FMN1: variants seen among roughly 807,000 people sequenced by gnomAD.
FMN1 encodes formin-1.
In FMN1, 110 loss-of-function variants were observed where a neutral mutation model predicts 132.4. The observed-to-expected ratio is 0.83, with a 90% CI of 0.71 to 0.97. The LOEUF (loss-of-function observed/expected upper bound fraction) is 0.97. FMN1 is among the 50% of genes least tolerant of loss of function. The probability of loss-of-function intolerance (pLI) is 0.00; values close to 1 mark genes in which losing one functional copy is unlikely to be tolerated. For missense variants in FMN1, 1,792 were observed against 1,705.3 expected (o/e 1.05, Z -0.90); for synonymous variants, 722 against 651.7 (o/e 1.11, Z -1.64).
chr15:32,976,982 A>C (rs977405485), intron 7 of FMN1, among the ~76,000 whole-genome samples: 3 of 152,216 alleles, frequency 2.0e-5, no homozygotes, highest in African/African-American at 7.2e-5. Flanking sequence ...CCCACAGCTG[A>C]AAAATAGTAA....
At chr15:32,953,751 T>C (rs1596336053) in intron 9 of FMN1, among the ~76,000 whole-genome samples, 1 of 152,160 alleles carries the variant, frequency 6.6e-6, no homozygotes, top group South Asian at 2.1e-4. Flanking sequence ...GGCTGGCCAG[T>C]TCCACCACTG....
intron 10 of FMN1, among the ~76,000 whole-genome samples, chr15:32,913,123 C>G (rs1469701905): frequency 6.6e-6 from 1 of 152,042 alleles, no homozygotes; most frequent in Non-Finnish European, 1.5e-5. Flanking sequence ...GGAAACCCTT[C>G]CAGTCCTTTA....
chr15:32,865,428 C>T (rs2059369938), intron 16 of FMN1, among the ~76,000 whole-genome samples: 1 of 152,148 alleles, frequency 6.6e-6, no homozygotes, highest in Non-Finnish European at 1.5e-5. Context: ...CATTATAATA[C>T]TTACAATATT....
rs766115456 is a variant in FMN1 at position 33,132,508 on chromosome 15, A to G, written c.1867+20540T>C. 2.0e-5 allele frequency among the ~76,000 whole-genome samples: 3 copies of G among 152,192 alleles called. No homozygotes were observed. The East Asian group carries it at 5.8e-4, about 29-fold the overall frequency. On this transcript the variant is annotated intron_variant, in intron 4 of 20. Coordinates refer to ENST00000616417, the MANE Select transcript of FMN1 (RefSeq NM_001277313.2). ...TCATTTGGAAAAGGAGCCTCAGACC[A>G]GAGCTGATTTAGAGCTCTGTAAGTC...
intron 9 of FMN1, among the ~76,000 whole-genome samples, chr15:32,934,512 G>A (rs559716625): frequency 6.6e-6 from 1 of 150,766 alleles, no homozygotes; most frequent in Admixed American, 6.6e-5. Flanking sequence ...ATCATTTCTT[G>A]TAAGTCTAGT....
In FMN1 at chr15:33,168,886, G is replaced by A. The variant is rs554016236; in HGVS notation, c.-132+11312C>T. Reference sequence around the variant, plus strand: ...GATCCTCTAGGTCACAGCAGCCACAGTCTGACCCAAAGGGCTTAGCATAAA... The same window carrying A: ...GATCCTCTAGGTCACAGCAGCCACAATCTGACCCAAAGGGCTTAGCATAAA... On this transcript the variant is annotated intron_variant, in intron 3 of 20. Transcript: ENST00000616417. 2.2e-3 allele frequency among the ~76,000 whole-genome samples: 342 copies of A among 152,346 alleles called. 4 individuals carry two copies. Among genetic ancestry groups the A allele is most frequent in the Non-Finnish European group, 4.1e-3 (282 of 68,030 alleles).
At chr15:33,089,054 A>G in intron 4 of FMN1, 80 bp from the exon 5 acceptor site, 1 of 1,176,108 alleles carries the variant, frequency 8.5e-7, no homozygotes, top group Non-Finnish European at 1.2e-6. Context: ...GGGAACTCCT[A>G]CATAGACTTC....
intron 3 of FMN1, among the ~76,000 whole-genome samples, chr15:33,158,105 A>C (rs1419566049): frequency 6.6e-6 from 1 of 152,146 alleles, no homozygotes; most frequent in Non-Finnish European, 1.5e-5. Flanking sequence ...TTAAACAATA[A>C]AATCTAGAAA....
chr15:32,857,891 C>T (rs1404832446), intron 16 of FMN1, among the ~76,000 whole-genome samples: 1 of 152,190 alleles, frequency 6.6e-6, no homozygotes, highest in Admixed American at 6.5e-5. Flanking sequence ...AGGCATCTCC[C>T]CAAGGTTCCT....
chr15:32,869,888 G>A (rs1480309352), intron 16 of FMN1, among the ~76,000 whole-genome samples: 1 of 152,216 alleles, frequency 6.6e-6, no homozygotes, highest in Non-Finnish European at 1.5e-5. Context: ...CTCAAAAGCA[G>A]TTCCAGGGAA....
intron 20 of FMN1, 36 bp from the exon 21 acceptor site, chr15:32,774,390 T>G: frequency 1.3e-6 from 2 of 1,525,326 alleles, no homozygotes; most frequent in Non-Finnish European, 1.8e-6. Context: ...ATCATTTTCT[T>G]TCATCTTTCT....
chr15:33,102,279 T>G (rs1432479863), intron 4 of FMN1, among the ~76,000 whole-genome samples: 1 of 152,140 alleles, frequency 6.6e-6, no homozygotes, highest in Non-Finnish European at 1.5e-5. Context: ...AATTTCCCCC[T>G]TAATTTTCAA....
chr15:33,069,993 C>T (rs111659832), intron 5 of FMN1, among the ~76,000 whole-genome samples: 5,045 of 74,280 alleles, frequency 0.068, 412 homozygotes, highest in East Asian at 0.34. Flanking sequence ...CAGTCTTTCT[C>T]TTTTTTTTTT....
At chr15:33,049,657 T>G (rs1341923553) in intron 6 of FMN1, among the ~76,000 whole-genome samples, 4 of 152,220 alleles carry the variant, frequency 2.6e-5, no homozygotes, top group Non-Finnish European at 5.9e-5. Context: ...CTATACATCG[T>G]GAACTATAAC....
At chr15:32,955,664 G>A (rs1157194745) in intron 9 of FMN1, among the ~76,000 whole-genome samples, 2 of 152,166 alleles carry the variant, frequency 1.3e-5, no homozygotes, top group South Asian at 4.1e-4. Flanking sequence ...ATTTTTTAAA[G>A]CATAAATATT....
intron 17 of FMN1, among the ~76,000 whole-genome samples, chr15:32,846,394 C>G (rs1033636160): frequency 6.6e-6 from 1 of 152,104 alleles, no homozygotes; most frequent in Non-Finnish European, 1.5e-5. Context: ...ACAACCCCAT[C>G]AAAAAGTGGG....
At chr15:32,893,941 C>T (rs1297806306) in intron 15 of FMN1, among the ~76,000 whole-genome samples, 1 of 152,204 alleles carries the variant, frequency 6.6e-6, no homozygotes, top group East Asian at 1.9e-4. Flanking sequence ...AAATGTCACC[C>T]TCAAAGATTC....
chr15:33,018,016 G>A (rs543965404), intron 6 of FMN1, among the ~76,000 whole-genome samples: 1 of 148,990 alleles, frequency 6.7e-6, no homozygotes, highest in African/African-American at 2.5e-5. Context: ...AGTGAGCCGA[G>A]ATCACACCAC....
intron 17 of FMN1, among the ~76,000 whole-genome samples, chr15:32,821,252 G>A (rs373618657): frequency 3.3e-5 from 5 of 151,650 alleles, no homozygotes; most frequent in Non-Finnish European, 5.9e-5. Flanking sequence ...TGGTCCATTC[G>A]TGTTTATTTT....
Sources: allele counts gnomAD v4.1 joint callset (sites outside exome capture counted in the v4.1 genomes callset), GRCh38; gene constraint gnomAD v4.1.1; transcripts MANE v1.5; gene names NCBI Gene and HGNC (gene_info 2026-07-23, HGNC 2026-07-21).